TRMT44: variants seen among roughly 807,000 people sequenced by gnomAD.
The protein encoded by TRMT44 is tRNA methyltransferase 44 homolog.
Under a neutral mutation model 77.3 loss-of-function variants are expected in TRMT44, and 78 were observed. The ratio of observed to expected loss-of-function variants is 1.01; its 90% CI spans 0.84 to 1.22. TRMT44 has a LOEUF of 1.22. Ranked by LOEUF, TRMT44 falls within the 50% of genes most tolerant of loss-of-function variation. The pLI, the probability that TRMT44 is intolerant of heterozygous loss-of-function variation, is 0.00. For synonymous variants in TRMT44, 391 were observed against 383.3 expected, an observed-to-expected ratio of 1.02 and a Z score of -0.23; for missense variants, 1,090 against 964.4, an observed-to-expected ratio of 1.13 and a Z score of -1.73.
At position 8,461,105 on chromosome 4, in the gene TRMT44, C is replaced by T. The variant is rs544264814; in HGVS notation, c.1204-2880C>T. 2.0e-5 allele frequency among the ~76,000 whole-genome samples: 3 copies of T among 152,324 alleles called. No homozygotes were observed. The highest frequency in any genetic ancestry group is 6.5e-5 in the Admixed American group (1 of 15,308). ...GGCTCAAGTGATCCTCCCACCTCGG[C>T]CTCCCACAGGGCTGGGATGACAATG... On this transcript the variant is annotated intron_variant, in intron 6 of 10. Transcript: ENST00000389737. This position sits in a 1 kb window ranked among gnomAD's most constrained non-coding sequence, Gnocchi z 4.6.
chr4:8,451,274 A>G lies in TRMT44; in HGVS notation c.955-686A>G, dbSNP rs1047923156. On this transcript the variant is annotated intron_variant, in intron 3 of 10. Coordinates refer to ENST00000389737, the MANE Select transcript of TRMT44 (RefSeq NM_152544.3). The surrounding 1 kb of genome is among the most constrained non-coding windows in gnomAD (Gnocchi z 4.1). ...TGGTACCGTCCAGAAGGTACTTTTT[A>G]TGTTTTTCCAGCTTTTGAAATTGTT... Among the ~76,000 whole-genome samples the G allele has an allele frequency of 1.1e-4, 17 of 151,944 alleles. No homozygotes were observed. Among genetic ancestry groups the G allele is most frequent in the Admixed American group, 7.2e-4 (11 of 15,274 alleles).
intron 1 of TRMT44, among the ~76,000 whole-genome samples, chr4:8,442,495 T>C (rs183253678): frequency 2.3e-4 from 35 of 152,362 alleles, no homozygotes; most frequent in African/African-American, 7.9e-4. Context: ...TGCAAATTCA[T>C]TGGTCAGTAC....
chr4:8,476,230 C>T lies in TRMT44; in HGVS notation c.*229C>T, dbSNP rs1348918407. ...CTGCCTGGCTTGTTTCAGATGCAGCCGCTTGAAACGTGCGCAGCATCTTCA... is the reference window on the plus strand; with the variant it reads ...CTGCCTGGCTTGTTTCAGATGCAGCTGCTTGAAACGTGCGCAGCATCTTCA... On this transcript the variant is annotated 3_prime_UTR_variant, in exon 11 of 11. Coordinates refer to ENST00000389737, the MANE Select transcript of TRMT44 (RefSeq NM_152544.3). 3.1e-5 allele frequency: 18 copies of T among 583,596 alleles called. No individual in the cohort carries two copies. Among genetic ancestry groups the T allele is most frequent in the Middle Eastern group, 4.5e-4 (1 of 2,200 alleles). The allele number at this position is 583,596 out of a possible 1,614,324, so 36.2% of individuals were successfully genotyped here.
rs140592000 is a variant in TRMT44 at position 8,467,923 on chromosome 4, G to A, written c.1504G>A (p.Val502Ile). Residue 502 changes from valine to isoleucine, a missense_variant, in exon 9 of 11, where the codon GTT (valine) becomes ATT (isoleucine). Physicochemically the swap from Val to Ile is conservative, Grantham distance 29. Coordinates refer to ENST00000389737, the MANE Select transcript of TRMT44 (RefSeq NM_152544.3). Reference sequence around the variant, plus strand: ...CTTTCTTCAAACGCAGGTCTGTCTCGTTGGAAAATCCAGAACATACCCTTC... The same window carrying A: ...CTTTCTTCAAACGCAGGTCTGTCTCATTGGAAAATCCAGAACATACCCTTC... Reference protein sequence around the residue: ...RIPSTKRVCLVGKSRTYPSSR... With the variant: ...RIPSTKRVCLIGKSRTYPSSR... The A allele has an allele frequency of 6.1e-5, 97 of 1,601,298 alleles. No homozygotes were observed. Among genetic ancestry groups the A allele is most frequent in the Admixed American group, 1.7e-4 (10 of 58,848 alleles).
At chr4:8,463,396 G>C (rs1191898845) in intron 6 of TRMT44, among the ~76,000 whole-genome samples, 1 of 152,204 alleles carries the variant, frequency 6.6e-6, no homozygotes, top group East Asian at 1.9e-4. Flanking sequence ...GAATTTGTCA[G>C]AATGGTTAGA....
chr4:8,503,956 G>A, the TRMT44 span, among the ~76,000 whole-genome samples: 6 of 152,100 alleles, frequency 3.9e-5, no homozygotes, highest in East Asian at 1.9e-4. Context: ...TCCTGGCCTC[G>A]CTCCCAAGCT....
chr4:8,450,473 C>T (rs1427348284), intron 3 of TRMT44, among the ~76,000 whole-genome samples: 2 of 151,694 alleles, frequency 1.3e-5, no homozygotes, highest in Non-Finnish European at 2.9e-5. Flanking sequence ...TACCATAATT[C>T]TTTGTATAAA....
In TRMT44 at chr4:8,451,097, C is replaced by T. The variant is rs551439372; in HGVS notation, c.955-863C>T. 1.3e-3 allele frequency among the ~76,000 whole-genome samples: 202 copies of T among 152,158 alleles called. No individual in the cohort carries two copies. The South Asian group carries it at 0.015, about 11-fold the overall frequency. On this transcript the variant is annotated intron_variant, in intron 3 of 10. Transcript: ENST00000389737. This position sits in a 1 kb window ranked among gnomAD's most constrained non-coding sequence, Gnocchi z 4.1. ...TATTTTTTTAATCAGTCACGTCTTGCTCTGTAACAAAAGCACCCCAAAGGT... is the reference window on the plus strand; with the variant it reads ...TATTTTTTTAATCAGTCACGTCTTGTTCTGTAACAAAAGCACCCCAAAGGT...
At chr4:8,495,309 G>C (rs929503416), downstream of TRMT44, among the ~76,000 whole-genome samples, 1 of 146,608 alleles carries the variant, frequency 6.8e-6, no homozygotes, top group Non-Finnish European at 1.5e-5. Flanking sequence ...GAGAGGTTAA[G>C]TGACTTGCCC....
At chr4:8,492,974 C>G (rs1728053763) in intron 2 of TRMT44, among the ~76,000 whole-genome samples, 2 of 152,212 alleles carry the variant, frequency 1.3e-5, no homozygotes, top group African/African-American at 4.8e-5. Flanking sequence ...GAGGCTGTGT[C>G]ACGGGCACAC....
In TRMT44 at chr4:8,440,803, C is replaced by G; in HGVS notation, c.-20C>G. On this transcript the variant is annotated 5_prime_UTR_variant, in exon 1 of 11. Transcript: ENST00000389737. ...TCATCTCGGCGCGCCGCTGCCAGGG[C>G]TGTACACCTGCTGGCTGCCATGGCT... is the stretch of plus-strand genomic sequence containing the variant. The G allele has an allele frequency of 7.0e-7, 1 of 1,435,266 alleles. No homozygotes were observed. The highest frequency in any genetic ancestry group is 1.5e-5 in the African/African-American group (1 of 67,784). The allele number at this position is 1,435,266 out of a possible 1,614,324, so 88.9% of individuals were successfully genotyped here.
the TRMT44 span, chr4:8,510,367 G>C: frequency 6.5e-6 from 1 of 152,808 alleles, no homozygotes; most frequent in Non-Finnish European, 1.5e-5. Context: ...CTTCGATGGA[G>C]CTCTGCTTCT....
rs1010850318 is a variant in TRMT44 at position 8,444,664 on chromosome 4, C to A, written c.620-1812C>A. Among the ~76,000 whole-genome samples, 1 of 152,212 alleles carries A rather than the reference C, an allele frequency of 6.6e-6. No individual in the cohort carries two copies. The highest frequency in any genetic ancestry group is 2.4e-5 in the African/African-American group (1 of 41,460). Reference sequence around the variant, plus strand: ...CCGCCTGCCTTGGCCTCCCAAAGTGCCGGGGTTACGGGCGTGAGCCACCTC... The same window carrying A: ...CCGCCTGCCTTGGCCTCCCAAAGTGACGGGGTTACGGGCGTGAGCCACCTC... On this transcript the variant is annotated intron_variant, in intron 1 of 10. Transcript: ENST00000389737. The surrounding 1 kb of genome is among the most constrained non-coding windows in gnomAD (Gnocchi z 4.0).
intron 9 of TRMT44, among the ~76,000 whole-genome samples, chr4:8,470,230 G>T: frequency 6.6e-6 from 1 of 152,240 alleles, no homozygotes; most frequent in Admixed American, 6.5e-5. Context: ...GGCCAGGCTG[G>T]GTGGGCAGGA....
Position 8,441,447 on chromosome 4 carries a change from A to T in TRMT44, c.619+6A>T. On this transcript the variant is annotated splice_donor_region_variant and intron_variant, in intron 1 of 10. Coordinates refer to ENST00000389737, the MANE Select transcript of TRMT44 (RefSeq NM_152544.3). ...GAGGGAAATAGTCGTGCAAGGTAAG[A>T]GTGTTTTGATAGTGGACGGATATGA... is the stretch of plus-strand genomic sequence containing the variant. The T allele has an allele frequency of 6.7e-7, 1 of 1,500,548 alleles. No individual in the cohort carries two copies. Among genetic ancestry groups the T allele is most frequent in the South Asian group, 1.3e-5 (1 of 79,588 alleles). 93.0% of individuals were successfully genotyped at this position (1,500,548 alleles called of 1,614,324 possible).
At chr4:8,459,499 C>G (rs1156266080) in intron 6 of TRMT44, among the ~76,000 whole-genome samples, 1 of 152,190 alleles carries the variant, frequency 6.6e-6, no homozygotes, top group Non-Finnish European at 1.5e-5. Flanking sequence ...ATTATTTACT[C>G]AGCTCTTCTG....
intron 6 of TRMT44, among the ~76,000 whole-genome samples, chr4:8,460,784 C>T (rs1726103725): frequency 6.6e-6 from 1 of 152,164 alleles, no homozygotes; most frequent in Non-Finnish European, 1.5e-5. Flanking sequence ...GCTCTGGCCT[C>T]AAGTGATCCA....
chr4:8,509,241 A>G, the TRMT44 span: 1 of 152,178 alleles, frequency 6.6e-6, no homozygotes, highest in Non-Finnish European at 1.5e-5. Context: ...GGAGGGAGGG[A>G]GTCCACTGCA....
At chr4:8,443,402 G>T (rs1337551855) in intron 1 of TRMT44, among the ~76,000 whole-genome samples, 1 of 152,150 alleles carries the variant, frequency 6.6e-6, no homozygotes, top group South Asian at 2.1e-4. Flanking sequence ...TTCAGTTCCC[G>T]CCAGGAAGGC....
Sources: gnomAD v4.1 joint callset for allele counts (sites outside exome capture counted in the v4.1 genomes callset) on GRCh38, gnomAD v4.1.1 for gene constraint, Gnocchi (gnomAD v3.1) non-coding constraint, MANE v1.5 for transcripts, NCBI Gene and HGNC (gene_info 2026-07-23, HGNC 2026-07-21) for gene names.